The following RBM47 variants were observed in gnomAD, a reference collection of about 807,000 sequenced individuals.
The protein encoded by RBM47 is RNA-binding protein 47.
Under a neutral mutation model 47.1 loss-of-function variants are expected in RBM47, and 21 were observed. The observed-to-expected ratio is 0.45, with a 90% CI of 0.32 to 0.64. The LOEUF is 0.64. Ranked by LOEUF, RBM47 falls within the 30% of genes least tolerant of loss-of-function variation. The pLI is 0.05. For synonymous variants in RBM47, 375 were observed against 361.7 expected (o/e 1.04, Z -0.42); for missense variants, 708 against 870.9 (o/e 0.81, Z 2.35).
chr4:40,604,996 T>G (rs1031314301), intron 1 of RBM47, among the ~76,000 whole-genome samples: 1 of 151,150 alleles, frequency 6.6e-6, no homozygotes, highest in African/African-American at 2.4e-5. Flanking sequence ...ATTACAGACT[T>G]GAGCCACCGC....
intron 2 of RBM47, among the ~76,000 whole-genome samples, chr4:40,526,267 G>A (rs543117265): frequency 6.6e-6 from 1 of 152,280 alleles, no homozygotes; most frequent in Non-Finnish European, 1.5e-5. Context: ...TCAATACAAA[G>A]CTGATCAAGC....
At chr4:40,579,775 TCTCA>T (rs1445943067) in intron 1 of RBM47, among the ~76,000 whole-genome samples, 1 of 150,900 alleles carries the variant, frequency 6.6e-6, no homozygotes, top group African/African-American at 2.4e-5. Context: ...TGAGACTAGG[TCTCA>T]CTCTGTCACC....
chr4:40,472,323 T>G (rs1398097583), intron 2 of RBM47, among the ~76,000 whole-genome samples: 4 of 152,238 alleles, frequency 2.6e-5, no homozygotes, highest in Middle Eastern at 3.4e-3. Flanking sequence ...GCCTGTAATT[T>G]CAGCACTTTA....
chr4:40,539,218 C>T (rs751100315), intron 2 of RBM47, among the ~76,000 whole-genome samples: 5 of 152,256 alleles, frequency 3.3e-5, no homozygotes, highest in South Asian at 4.1e-4. Context: ...TTTTTAGAAG[C>T]TGCCTTTTGG....
chr4:40,470,308 A>G (rs1718664954), intron 2 of RBM47, among the ~76,000 whole-genome samples: 1 of 152,194 alleles, frequency 6.6e-6, no homozygotes, highest in East Asian at 1.9e-4. Flanking sequence ...GGAAAAGTTT[A>G]TAGATTCCAG....
At chr4:40,507,105 C>A (rs950557623) in intron 2 of RBM47, among the ~76,000 whole-genome samples, 1 of 152,002 alleles carries the variant, frequency 6.6e-6, no homozygotes, top group Non-Finnish European at 1.5e-5. Flanking sequence ...CAAAGGCATG[C>A]GCCACCACAT....
intron 1 of RBM47, among the ~76,000 whole-genome samples, chr4:40,561,877 T>C (rs1730670835): frequency 6.6e-6 from 1 of 152,110 alleles, no homozygotes; most frequent in South Asian, 2.1e-4. Flanking sequence ...AGATATCCTT[T>C]TACTAGATCA....
At chr4:40,611,566 C>CA (rs35477494) in intron 1 of RBM47, among the ~76,000 whole-genome samples, 79 of 145,630 alleles carry the variant, frequency 5.4e-4, no homozygotes, top group Admixed American at 1.6e-3. Flanking sequence ...ACTAAAAATA[C>CA]AAAAAAAAAA....
At chr4:40,530,235 C>T (rs946716825) in intron 2 of RBM47, among the ~76,000 whole-genome samples, 6 of 151,690 alleles carry the variant, frequency 4.0e-5, no homozygotes, top group Non-Finnish European at 5.9e-5. Flanking sequence ...CATGCCTGGA[C>T]GATCATGAAG....
chr4:40,593,206 G>T (rs1453271833), intron 1 of RBM47, among the ~76,000 whole-genome samples: 2 of 149,038 alleles, frequency 1.3e-5, no homozygotes. Context: ...CACCGTGTTA[G>T]CCAGAAGGGT....
intron 3 of RBM47, among the ~76,000 whole-genome samples, chr4:40,448,826 G>C (rs1403111206): frequency 6.6e-6 from 1 of 151,996 alleles, no homozygotes; most frequent in Non-Finnish European, 1.5e-5. Flanking sequence ...TTTTAGAGAG[G>C]AGTCTCTCAC....
chr4:40,473,051 T>TAAACCA (rs1450320829), intron 2 of RBM47, among the ~76,000 whole-genome samples: 1 of 152,166 alleles, frequency 6.6e-6, no homozygotes, highest in East Asian at 1.9e-4. Flanking sequence ...AGACCAAGTC[T>TAAACCA]AAACCAAATT....
At chr4:40,523,643 C>T (rs1471735967) in intron 2 of RBM47, among the ~76,000 whole-genome samples, 1 of 151,014 alleles carries the variant, frequency 6.6e-6, no homozygotes, top group African/African-American at 2.5e-5. Flanking sequence ...AAGAGCAAAA[C>T]TCCATCTAGG....
intron 1 of RBM47, among the ~76,000 whole-genome samples, chr4:40,585,444 T>C (rs1423603078): frequency 6.6e-6 from 1 of 152,206 alleles, no homozygotes; most frequent in African/African-American, 2.4e-5. Context: ...AATCGCCCCA[T>C]AAATATTCCT....
At chr4:40,574,240 A>G (rs1223113270) in intron 1 of RBM47, among the ~76,000 whole-genome samples, 1 of 152,228 alleles carries the variant, frequency 6.6e-6, no homozygotes, top group African/African-American at 2.4e-5. Flanking sequence ...TAATCTCATT[A>G]TTTCAGAAAT....
At chr4:40,513,805 G>C (rs1725239580) in intron 2 of RBM47, among the ~76,000 whole-genome samples, 1 of 151,820 alleles carries the variant, frequency 6.6e-6, no homozygotes, top group Non-Finnish European at 1.5e-5. Flanking sequence ...TGCAACCTCT[G>C]CCTCCGGGGT....
At position 40,564,997 on chromosome 4, in the gene RBM47, C is replaced by T. The variant is rs141298076; in HGVS notation, c.-239-20491G>A. 7.5e-3 allele frequency among the ~76,000 whole-genome samples: 1,137 copies of T among 152,208 alleles called. 9 individuals are homozygous for T. Among genetic ancestry groups the T allele is most frequent in the African/African-American group, 0.023 (941 of 41,526 alleles). On this transcript the variant is annotated intron_variant, in intron 1 of 6. Coordinates refer to ENST00000295971, the MANE Select transcript of RBM47 (RefSeq NM_001098634.2). ...CTCTTGTGTGTGTCTTGAATAGGTCCGGAAGTGAACGTGGGGACTGAGCAG... is the reference window on the plus strand; with the variant it reads ...CTCTTGTGTGTGTCTTGAATAGGTCTGGAAGTGAACGTGGGGACTGAGCAG...
At chr4:40,547,496 T>C (rs1018155627) in intron 1 of RBM47, among the ~76,000 whole-genome samples, 2 of 152,214 alleles carry the variant, frequency 1.3e-5, no homozygotes, top group African/African-American at 4.8e-5. Flanking sequence ...GATCTTGGAC[T>C]TCCAGCCTCC....
chr4:40,472,312 T>C (rs912243838), intron 2 of RBM47, among the ~76,000 whole-genome samples: 2 of 152,192 alleles, frequency 1.3e-5, no homozygotes, highest in Non-Finnish European at 2.9e-5. Flanking sequence ...CGGTGGCTCA[T>C]GCCTGTAATT....
Sources: gnomAD v4.1 joint callset for allele counts (sites outside exome capture counted in the v4.1 genomes callset) on GRCh38, gnomAD v4.1.1 for gene constraint, MANE v1.5 for transcripts, NCBI Gene and HGNC (gene_info 2026-07-23, HGNC 2026-07-21) for gene names.